Variants in ADAMTS19 observed in about 807,000 individuals in gnomAD.
ADAMTS19 encodes the protein ADAM metallopeptidase with thrombospondin type 1 motif 19.
A neutral mutation model predicts 153.3 loss-of-function variants in ADAMTS19; 93 were observed. The observed-to-expected ratio is 0.61, with a 90% CI of 0.51 to 0.72. The LOEUF (loss-of-function observed/expected upper bound fraction) is 0.72. Among genes scored for constraint, ADAMTS19 ranks in the 30% least tolerant of loss-of-function variants. ADAMTS19 has a pLI of 0.00. For missense variants in ADAMTS19, 1,482 were observed against 1,552.1 expected, an observed-to-expected ratio of 0.95 and a Z score of 0.76; for synonymous variants, 600 against 556.6, an observed-to-expected ratio of 1.08 and a Z score of -1.10.
chr5:129,573,851 T>C (rs1313514723), intron 7 of ADAMTS19, among the ~76,000 whole-genome samples: 1 of 152,022 alleles, frequency 6.6e-6, no homozygotes, highest in Non-Finnish European at 1.5e-5. Flanking sequence ...ATGGTGCTAT[T>C]AAATAATATA....
chr5:129,560,505 C>T (rs1028281304), intron 7 of ADAMTS19, among the ~76,000 whole-genome samples: 8 of 152,168 alleles, frequency 5.3e-5, no homozygotes, highest in Middle Eastern at 3.2e-3. Flanking sequence ...CTATAGGCAA[C>T]CAGCACATCA....
intron 6 of ADAMTS19, among the ~76,000 whole-genome samples, chr5:129,546,064 G>T (rs12110027): frequency 0.2 from 29,377 of 143,680 alleles, 3,422 homozygotes; most frequent in South Asian, 0.24. Context: ...CCATAAAAAA[G>T]GATGAGTTCA....
intron 2 of ADAMTS19, among the ~76,000 whole-genome samples, chr5:129,477,735 C>T (rs529346324): frequency 4.6e-5 from 7 of 152,150 alleles, no homozygotes; most frequent in Non-Finnish European, 1.0e-4. Flanking sequence ...TGCACAGTGT[C>T]CAATTTTTGG....
rs1752803209 is a variant in ADAMTS19 at position 129,641,880 on chromosome 5, T to C, written c.1792T>C (p.Trp598Arg). ...TCAGCATGTTATTTGCACAGGATTA[T>C]GGTGCAAGGTAGAAGGTGAGAAAGA... Reference protein sequence around the residue: ...EMQHVICTGLWCKVEGEKECR... With the variant: ...EMQHVICTGLRCKVEGEKECR... The change falls in exon 11 of 23, where the codon TGG becomes CGG. Residue 598 changes from tryptophan to arginine, a missense_variant. Physicochemically the swap from Trp to Arg is moderately radical, Grantham distance 101. Around this residue, in one of 2 missense-constraint regions of ADAMTS19, gnomAD observed 866 missense variants for 827.7 expected, o/e 1.05. Coordinates refer to ENST00000274487, the MANE Select transcript of ADAMTS19 (RefSeq NM_133638.6). The C allele has an allele frequency of 1.2e-6, 2 of 1,600,090 alleles. No individual in the cohort carries two copies. The highest frequency in any genetic ancestry group is 1.7e-6 in the Non-Finnish European group (2 of 1,171,328).
intron 16 of ADAMTS19, among the ~76,000 whole-genome samples, chr5:129,677,096 A>C (rs1270159681): frequency 6.6e-6 from 1 of 152,334 alleles, no homozygotes; most frequent in East Asian, 1.9e-4. Flanking sequence ...CCTTTTAGGA[A>C]AAATCATTAA....
chr5:129,538,596 C>T (rs1752543967), intron 6 of ADAMTS19, among the ~76,000 whole-genome samples: 1 of 151,950 alleles, frequency 6.6e-6, no homozygotes, highest in African/African-American at 2.4e-5. Context: ...AAGAAGAAAG[C>T]ATAGTGTGAT....
chr5:129,645,723 G>A (rs1753029235), intron 11 of ADAMTS19, among the ~76,000 whole-genome samples: 1 of 151,808 alleles, frequency 6.6e-6, no homozygotes, highest in Non-Finnish European at 1.5e-5. Flanking sequence ...ATGCACTCTG[G>A]GAAACATAAA....
chr5:129,490,918 G>T (rs1053869840), intron 2 of ADAMTS19, among the ~76,000 whole-genome samples: 3 of 151,752 alleles, frequency 2.0e-5, no homozygotes, highest in African/African-American at 7.3e-5. Flanking sequence ...GTTCTCTTTC[G>T]CATTTGTGCA....
chr5:129,717,936 T>A (rs1252662677), intron 21 of ADAMTS19, among the ~76,000 whole-genome samples: 1 of 152,190 alleles, frequency 6.6e-6, no homozygotes, highest in Non-Finnish European at 1.5e-5. Flanking sequence ...AGTATTTTAT[T>A]TGAAAAGGAA....
chr5:129,630,457 C>T (rs1025420248), intron 10 of ADAMTS19, among the ~76,000 whole-genome samples: 1 of 152,030 alleles, frequency 6.6e-6, no homozygotes, highest in African/African-American at 2.4e-5. Flanking sequence ...ATTATAGACT[C>T]TCACATATGT....
At chr5:129,632,132 G>A (rs935747772) in intron 10 of ADAMTS19, among the ~76,000 whole-genome samples, 2 of 152,012 alleles carry the variant, frequency 1.3e-5, no homozygotes, top group Non-Finnish European at 2.9e-5. Flanking sequence ...GCTCAAATCA[G>A]CCATAGATAA....
rs1489569646 is a variant in ADAMTS19, at chr5:129,668,811, A to T, written c.2506+3232A>T. 2.6e-5 allele frequency among the ~76,000 whole-genome samples: 4 copies of T among 152,138 alleles called. No homozygotes were observed. In the East Asian group the frequency reaches 7.7e-4, roughly 29 times the overall value. ...CCATCACAGCTATTTTTAAGTGTCA[A>T]GTTCAGTTAATTCAGTGGCATTAAG... is the stretch of plus-strand genomic sequence containing the variant. On this transcript the variant is annotated intron_variant, in intron 16 of 22. Transcript: ENST00000274487.
intron 7 of ADAMTS19, among the ~76,000 whole-genome samples, chr5:129,588,054 T>C (rs967958617): frequency 6.6e-6 from 1 of 152,198 alleles, no homozygotes; most frequent in Non-Finnish European, 1.5e-5. Flanking sequence ...CCAGCCTTCA[T>C]AGTTGTTCCC....
chr5:129,668,050 G>A (rs1447069843), intron 16 of ADAMTS19, among the ~76,000 whole-genome samples: 1 of 152,116 alleles, frequency 6.6e-6, no homozygotes, highest in African/African-American at 2.4e-5. Context: ...ATCAGTGTTT[G>A]CAGTGTTACA....
intron 6 of ADAMTS19, among the ~76,000 whole-genome samples, chr5:129,547,509 T>A (rs2126811896): frequency 6.6e-6 from 1 of 150,616 alleles, no homozygotes; most frequent in Non-Finnish European, 1.5e-5. Context: ...TCAACCACAA[T>A]TTAATGTTAC....
At chr5:129,603,340 T>G (rs1750751201) in intron 8 of ADAMTS19, among the ~76,000 whole-genome samples, 1 of 152,212 alleles carries the variant, frequency 6.6e-6, no homozygotes, top group Non-Finnish European at 1.5e-5. Flanking sequence ...TTGTGAAGCA[T>G]GTAGACATAA....
At chr5:129,574,945 G>C (rs1320420412) in intron 7 of ADAMTS19, among the ~76,000 whole-genome samples, 1 of 151,520 alleles carries the variant, frequency 6.6e-6, no homozygotes, top group East Asian at 1.9e-4. Context: ...TACATCTACA[G>C]TTTGAGTCAC....
intron 6 of ADAMTS19, among the ~76,000 whole-genome samples, chr5:129,538,368 C>T (rs1312561525): frequency 6.6e-6 from 1 of 152,044 alleles, no homozygotes; most frequent in Non-Finnish European, 1.5e-5. Flanking sequence ...AGTTTTGTTT[C>T]TCACCAACAA....
At chr5:129,647,671 C>T in intron 11 of ADAMTS19, 94 bp from the exon 12 acceptor site, 1 of 1,453,568 alleles carries the variant, frequency 6.9e-7, no homozygotes, top group Non-Finnish European at 9.4e-7. Context: ...TCTAGTAGAC[C>T]TGATTTAATT....
Sources: gnomAD v4.1 joint callset for allele counts (sites outside exome capture counted in the v4.1 genomes callset) on GRCh38, gnomAD v4.1.1 for gene constraint, gnomAD v4.1.1 regional missense constraint, MANE v1.5 for transcripts, NCBI Gene and HGNC (gene_info 2026-07-23, HGNC 2026-07-21) for gene names.